ADAM2: variants seen among roughly 807,000 people sequenced by gnomAD.
The protein encoded by ADAM2 is ADAM metallopeptidase domain 2.
Under a neutral mutation model 99.3 loss-of-function variants are expected in ADAM2, and 101 were observed. The observed-to-expected ratio is 1.02, with a 90% CI of 0.87 to 1.20. ADAM2 has a LOEUF of 1.20. Ranked by LOEUF, ADAM2 falls within the 50% of genes most tolerant of loss-of-function variation. ADAM2 has a pLI of 0.00. For missense variants in ADAM2, 948 were observed against 878.7 expected, an observed-to-expected ratio of 1.08 and a Z score of -1.00; for synonymous variants, 323 against 287.6, an observed-to-expected ratio of 1.12 and a Z score of -1.25.
In ADAM2 at chr8:39,768,415, A is replaced by G. The variant is rs529011991; in HGVS notation, c.1212+977T>C. On this transcript the variant is annotated intron_variant, in intron 12 of 20. Transcript: ENST00000265708. ...CCTGTACCATTCACTATGAGTTTCA[A>G]TATCTCCTTTCCCTTATTTCATTCC... Among the ~76,000 whole-genome samples, 26 of 152,236 alleles carry G rather than the reference A, an allele frequency of 1.7e-4. No individual in the cohort carries two copies. The South Asian group carries it at 5.2e-3, about 30-fold the overall frequency.
chr8:39,785,786 C>T lies in ADAM2; in HGVS notation c.891+1188G>A, dbSNP rs1237725542. On this transcript the variant is annotated intron_variant, in intron 10 of 20. Transcript: ENST00000265708. ...CACTCCAGCCTGGATGACAGAGACT[C>T]TGTCTCAAATAAAAAAAAAAAAAAA... 9.1e-5 allele frequency among the ~76,000 whole-genome samples: 12 copies of T among 131,720 alleles called. 1 individual carries two copies. Among genetic ancestry groups the T allele is most frequent in the African/African-American group, 3.5e-4 (12 of 34,148 alleles). The allele number at this position is 131,720 out of a possible 152,430, so 86.4% of individuals were successfully genotyped here. A position where few individuals can be genotyped will look rare whatever the true frequency, so the allele number is the denominator to read the frequency against.
At chr8:39,782,865 G>A (rs186060355) in intron 10 of ADAM2, among the ~76,000 whole-genome samples, 2 of 151,962 alleles carry the variant, frequency 1.3e-5, no homozygotes, top group East Asian at 3.9e-4. Context: ...GTATTTCATT[G>A]ATAGCCAATA....
intron 3 of ADAM2, among the ~76,000 whole-genome samples, chr8:39,825,171 GTTC>G (rs1202637048): frequency 6.6e-6 from 1 of 152,130 alleles, no homozygotes; most frequent in African/African-American, 2.4e-5. Context: ...TTCCTGGAAA[GTTC>G]TTCAACATAG....
intron 7 of ADAM2, among the ~76,000 whole-genome samples, chr8:39,802,087 C>A (rs1377051441): frequency 2.6e-5 from 4 of 152,196 alleles, no homozygotes; most frequent in African/African-American, 7.2e-5. Context: ...TAAGAATCTG[C>A]GTGTTCCATG....
intron 3 of ADAM2, among the ~76,000 whole-genome samples, chr8:39,833,037 T>C (rs555159285): frequency 3.9e-5 from 6 of 152,200 alleles, no homozygotes; most frequent in Non-Finnish European, 7.4e-5. Context: ...GTATCTGTGA[T>C]GCAGAAAGTA....
At chr8:39,823,896 T>A (rs749619286) in intron 4 of ADAM2, among the ~76,000 whole-genome samples, 6 of 152,284 alleles carry the variant, frequency 3.9e-5, no homozygotes, top group East Asian at 1.9e-4. Flanking sequence ...AATGCTTTAC[T>A]TTCAAAACAC....
At chr8:39,817,423 A>C (rs1804999781) in intron 6 of ADAM2, among the ~76,000 whole-genome samples, 1 of 152,158 alleles carries the variant, frequency 6.6e-6, no homozygotes. Context: ...GTTCTATAGC[A>C]CCATAGGGTG....
intron 14 of ADAM2, among the ~76,000 whole-genome samples, chr8:39,764,831 T>C (rs1363085179): frequency 2.6e-5 from 4 of 151,948 alleles, no homozygotes; most frequent in Non-Finnish European, 5.9e-5. Flanking sequence ...CTGGCCAACA[T>C]GGCAAAACCC....
chr8:39,837,621 G>A (rs75150861), intron 1 of ADAM2, among the ~76,000 whole-genome samples: 1 of 151,996 alleles, frequency 6.6e-6, no homozygotes, highest in Non-Finnish European at 1.5e-5. Flanking sequence ...TCCTGACCTC[G>A]TGATACGCCT....
chr8:39,825,430 G>T, intron 3 of ADAM2, among the ~76,000 whole-genome samples: 1 of 151,852 alleles, frequency 6.6e-6, no homozygotes, highest in East Asian at 1.9e-4. Context: ...TTAGAGATTT[G>T]CATCTATGTT....
At chr8:39,760,882 C>CAA (rs58386097) in intron 15 of ADAM2, among the ~76,000 whole-genome samples, 692 of 60,180 alleles carry the variant, frequency 0.011, 44 homozygotes, top group East Asian at 0.014. Flanking sequence ...GACTCCATCT[C>CAA]AAAAAAAAAA....
intron 5 of ADAM2, 60 bp from the exon 6 acceptor site, chr8:39,821,230 A>G (rs1805175787): frequency 8.7e-7 from 1 of 1,150,828 alleles, no homozygotes; most frequent in South Asian, 1.6e-5. Context: ...AGCCAATAAA[A>G]TGCCACTTAG....
intron 7 of ADAM2, among the ~76,000 whole-genome samples, chr8:39,808,189 T>TACACACACAC (rs144114156): frequency 3.4e-4 from 50 of 146,100 alleles, no homozygotes; most frequent in East Asian, 1.2e-3. Context: ...TCCTAAGGAA[T>TACACACACAC]ACACACACAC....
At chr8:39,829,648 G>A (rs1805540042) in intron 3 of ADAM2, among the ~76,000 whole-genome samples, 1 of 151,954 alleles carries the variant, frequency 6.6e-6, no homozygotes, top group Non-Finnish European at 1.5e-5. Flanking sequence ...CCATCAGTAT[G>A]CTGTTAGTCA....
chr8:39,827,383 G>T (rs1180020615), intron 3 of ADAM2, among the ~76,000 whole-genome samples: 1 of 152,040 alleles, frequency 6.6e-6, no homozygotes, highest in African/African-American at 2.4e-5. Context: ...CCTTTACTGG[G>T]CATATATCCA....
chr8:39,771,985 C>G (rs369829871), intron 11 of ADAM2, among the ~76,000 whole-genome samples: 2 of 151,200 alleles, frequency 1.3e-5, no homozygotes, highest in African/African-American at 4.8e-5. Flanking sequence ...TGTAAATGAC[C>G]AGTTAATGGG....
chr8:39,831,263 C>G (rs1294960079), intron 3 of ADAM2, among the ~76,000 whole-genome samples: 1 of 151,802 alleles, frequency 6.6e-6, no homozygotes, highest in African/African-American at 2.4e-5. Context: ...TAAACTATAT[C>G]TCAGGCAGAT....
intron 2 of ADAM2, among the ~76,000 whole-genome samples, chr8:39,836,642 G>A (rs1336953643): frequency 2.0e-5 from 3 of 151,850 alleles, no homozygotes; most frequent in Non-Finnish European, 4.4e-5. Context: ...ATTTTAAAAA[G>A]AGAGTAATAA....
Position 39,743,869 on chromosome 8 carries a change from G to A in ADAM2, c.*226C>T, listed in dbSNP as rs977651571. On this transcript the variant is annotated 3_prime_UTR_variant, in exon 21 of 21. Transcript: ENST00000265708. ...AGCGTAAGATAACTTTAAAAAAACA[G>A]AAATTTGTAATGTAAAACTCATTAT... is the stretch of plus-strand genomic sequence containing the variant. 1 of 151,974 alleles carries A rather than the reference G, an allele frequency of 6.6e-6. No individual in the cohort carries two copies. The highest frequency in any genetic ancestry group is 1.5e-5 in the Non-Finnish European group (1 of 67,940). 9.4% of individuals were successfully genotyped at this position (151,974 alleles called of 1,614,324 possible). A position where few individuals can be genotyped will look rare whatever the true frequency, so the allele number is the denominator to read the frequency against.
Sources: allele counts gnomAD v4.1 joint callset (sites outside exome capture counted in the v4.1 genomes callset), GRCh38; gene constraint gnomAD v4.1.1; transcripts MANE v1.5; gene names NCBI Gene and HGNC (gene_info 2026-07-23, HGNC 2026-07-21).